BAZ2B: variants seen among roughly 807,000 people sequenced by gnomAD.
BAZ2B encodes bromodomain adjacent to zinc finger domain protein 2B.
Under a neutral mutation model 246.0 loss-of-function variants are expected in BAZ2B, and 91 were observed. That is an observed-to-expected ratio of 0.37 (90% CI 0.31 to 0.44). The LOEUF (loss-of-function observed/expected upper bound fraction) is 0.44, where lower values mean the gene tolerates loss of function less well. BAZ2B is among the 20% of genes least tolerant of loss of function. The pLI is 1.00. For synonymous variants in BAZ2B, 855 were observed against 860.0 expected (o/e 0.99, Z 0.10); for missense variants, 2,332 against 2,533.7 (o/e 0.92, Z 1.71).
chr2:159,373,614 T>G (rs1041019427), intron 26 of BAZ2B, among the ~76,000 whole-genome samples: 7 of 152,160 alleles, frequency 4.6e-5, no homozygotes, highest in African/African-American at 1.7e-4. Flanking sequence ...GTGGGTCATT[T>G]GAACCCAGGA....
chr2:159,411,824 A>G (rs2066886206), intron 14 of BAZ2B: 2 of 447,806 alleles, frequency 4.5e-6, no homozygotes, highest in Non-Finnish European at 5.9e-6. Flanking sequence ...TTTGATTTTA[A>G]TGTATTAATT....
chr2:159,411,067 G>A (rs1241779628), intron 14 of BAZ2B, among the ~76,000 whole-genome samples: 3 of 152,156 alleles, frequency 2.0e-5, no homozygotes, highest in East Asian at 3.8e-4. Flanking sequence ...TGTCAGCCAG[G>A]CTGAAGCGCA....
At chr2:159,373,601 C>T (rs1483991807) in intron 26 of BAZ2B, among the ~76,000 whole-genome samples, 1 of 151,986 alleles carries the variant, frequency 6.6e-6, no homozygotes, top group Non-Finnish European at 1.5e-5. Context: ...GAGGCTGAGG[C>T]GGGTGGGTCA....
intron 3 of BAZ2B, chr2:159,462,229 T>A (rs1284504123): frequency 3.9e-6 from 2 of 511,550 alleles, no homozygotes; most frequent in Non-Finnish European, 7.1e-6. Flanking sequence ...CACAAAAGAA[T>A]CAGACAATGC....
chr2:159,462,200 A>T lies in BAZ2B; in HGVS notation c.146-8399T>A, dbSNP rs2076492045. On this transcript the variant is annotated intron_variant, in intron 3 of 36. Coordinates refer to ENST00000392783, the MANE Select transcript of BAZ2B (RefSeq NM_013450.4). ...TTACACTTGGATATAGCAATAACAG[A>T]AAATTACAAAGCAGAGAACACAAAA... is the stretch of plus-strand genomic sequence containing the variant. 12 of 455,006 alleles carry T rather than the reference A, an allele frequency of 2.6e-5. No homozygotes were observed. The South Asian group carries it at 3.2e-4, about 12-fold the overall frequency. The allele number at this position is 455,006 out of a possible 1,614,324, so 28.2% of individuals were successfully genotyped here. A position where few individuals can be genotyped will look rare whatever the true frequency, so the allele number is the denominator to read the frequency against.
At chr2:159,501,113 A>ATATATATAATATATATATATATATTT (rs2081657705) in intron 2 of BAZ2B, among the ~76,000 whole-genome samples, 1 of 75,378 alleles carries the variant, frequency 1.3e-5, no homozygotes, top group African/African-American at 4.9e-5. Context: ...CTGTTTAAAA[A>ATATATATAATATATATATATATATTT]TATATATATA....
chr2:159,651,342 C>T, the BAZ2B span, among the ~76,000 whole-genome samples: 3 of 152,174 alleles, frequency 2.0e-5, no homozygotes, highest in South Asian at 4.2e-4. Context: ...TTTCAAGGAC[C>T]AGAACTGATT....
chr2:159,663,513 G>GTTT, the BAZ2B span, among the ~76,000 whole-genome samples: 1 of 143,146 alleles, frequency 7.0e-6, no homozygotes, highest in Non-Finnish European at 1.5e-5. Context: ...TGTTGCTAAT[G>GTTT]TTTTTTTTTT....
At chr2:159,506,351 C>A (rs1289693077) in intron 2 of BAZ2B, among the ~76,000 whole-genome samples, 1 of 152,074 alleles carries the variant, frequency 6.6e-6, no homozygotes, top group Non-Finnish European at 1.5e-5. Flanking sequence ...CCCAGCTATC[C>A]AGGAGATCTG....
At chr2:159,704,977 C>T in the BAZ2B span, among the ~76,000 whole-genome samples, 6 of 151,736 alleles carry the variant, frequency 4.0e-5, no homozygotes, top group South Asian at 2.1e-4. Flanking sequence ...GATGGGATTA[C>T]GAGCCACCAC....
intron 25 of BAZ2B, among the ~76,000 whole-genome samples, chr2:159,382,221 G>A (rs2062072332): frequency 6.6e-6 from 1 of 152,094 alleles, no homozygotes; most frequent in African/African-American, 2.4e-5. Context: ...ATGAAGCGCT[G>A]TACAAATGTA....
chr2:159,517,773 A>G (rs2083583204), intron 2 of BAZ2B, among the ~76,000 whole-genome samples: 1 of 152,202 alleles, frequency 6.6e-6, no homozygotes, highest in African/African-American at 2.4e-5. Context: ...AACAGGTCTC[A>G]TTACATATAC....
chr2:159,343,604 T>G (rs1349867835), intron 31 of BAZ2B, among the ~76,000 whole-genome samples: 1 of 151,990 alleles, frequency 6.6e-6, no homozygotes, highest in Admixed American at 6.6e-5. Context: ...CAGACATTTC[T>G]CAAAAGAAGA....
chr2:159,371,937 G>A (rs1337477919), intron 27 of BAZ2B, among the ~76,000 whole-genome samples: 1 of 152,188 alleles, frequency 6.6e-6, no homozygotes, highest in East Asian at 1.9e-4. Flanking sequence ...ATACAGAACA[G>A]AGGTCTATTT....
chr2:159,496,528 A>G (rs1472517480), intron 2 of BAZ2B, among the ~76,000 whole-genome samples: 1 of 149,050 alleles, frequency 6.7e-6, no homozygotes, highest in Admixed American at 6.7e-5. Context: ...CTCATGCCTT[A>G]ATCCCAGCAC....
intron 2 of BAZ2B, among the ~76,000 whole-genome samples, chr2:159,488,161 C>CAAT (rs763854531): frequency 7.9e-4 from 120 of 152,232 alleles, no homozygotes; most frequent in African/African-American, 2.6e-3. Context: ...CAATCTCCAC[C>CAAT]TCCTGGGTTC....
At chr2:159,593,488 C>T (rs1689877114) in intron 1 of BAZ2B, among the ~76,000 whole-genome samples, 1 of 152,174 alleles carries the variant, frequency 6.6e-6, no homozygotes, top group South Asian at 2.1e-4. Flanking sequence ...AATACACATA[C>T]CAGTAGTCCC....
chr2:159,568,009 A>T (rs1311740579), intron 1 of BAZ2B, among the ~76,000 whole-genome samples: 1 of 152,090 alleles, frequency 6.6e-6, no homozygotes, highest in Non-Finnish European at 1.5e-5. Context: ...ATCACAATAA[A>T]TTTTTTTGAG....
chr2:159,327,239 A>C (rs1322461426), intron 34 of BAZ2B, among the ~76,000 whole-genome samples: 1 of 152,108 alleles, frequency 6.6e-6, no homozygotes, highest in Non-Finnish European at 1.5e-5. Flanking sequence ...TGTATTCTTA[A>C]AATTGGCTGA....
Sources: gnomAD v4.1 joint callset for allele counts (sites outside exome capture counted in the v4.1 genomes callset) on GRCh38, gnomAD v4.1.1 for gene constraint, MANE v1.5 for transcripts, NCBI Gene and HGNC (gene_info 2026-07-23, HGNC 2026-07-21) for gene names.